MED12: variants seen among roughly 807,000 people sequenced by gnomAD.
MED12 encodes the protein mediator complex subunit 12, also known as mediator of RNA polymerase II transcription subunit 12.
A neutral mutation model predicts 177.7 loss-of-function variants in MED12; 10 were observed. The observed-to-expected ratio is 0.06, with a 90% confidence interval of 0.03 to 0.10. The LOEUF (loss-of-function observed/expected upper bound fraction) is 0.10, where lower values mean the gene tolerates loss of function less well. Ranked by LOEUF, MED12 falls within the 10% of genes least tolerant of loss-of-function variation. MED12 has a pLI of 1.00. For missense variants in MED12, 867 were observed against 1,780.8 expected, an observed-to-expected ratio of 0.49 and a Z score of 9.23; for synonymous variants, 641 against 678.4, an observed-to-expected ratio of 0.94 and a Z score of 0.86.
chrX:71,121,870 G>A (rs1446011008), intron 7 of MED12, 54 bp downstream of exon 7: 1 of 1,205,225 alleles, frequency 8.3e-7, no homozygotes, highest in Non-Finnish European at 1.1e-6. Flanking sequence ...AGAAGAATCA[G>A]GTGCCCATCC....
intron 11 of MED12, 150 bp from the exon 12 acceptor site, chrX:71,123,444 G>T: frequency 1.3e-6 from 1 of 771,765 alleles, no homozygotes; most frequent in Non-Finnish European, 1.9e-6. Context: ...GGCTTCAGTT[G>T]GGAGGTGGTA....
intron 3 of MED12, 33 bp downstream of exon 3, chrX:71,119,910 G>A (rs1433339830): frequency 8.3e-7 from 1 of 1,208,247 alleles, no homozygotes; most frequent in Non-Finnish European, 1.1e-6. Flanking sequence ...TCAGGCCAAG[G>A]AGGGAGCATG....
chrX:71,123,883 C>G (rs751694662), intron 12 of MED12, among the ~76,000 whole-genome samples, 163 bp downstream of exon 12: 1 of 112,431 alleles, frequency 8.9e-6, no homozygotes, highest in Non-Finnish European at 1.9e-5. Flanking sequence ...AACTGGTCAT[C>G]TTACAGTTAA....
intron 4 of MED12, 102 bp downstream of exon 4, chrX:71,120,272 C>G (rs749173585): frequency 1.1e-6 from 1 of 912,893 alleles, no homozygotes; most frequent in Non-Finnish European, 1.6e-6. Context: ...CTTGTTTCTG[C>G]TTGTTTCTTG....
At chrX:71,125,637 T>TC in intron 16 of MED12, 26 bp from the exon 17 acceptor site, 1 of 1,092,089 alleles carries the variant, frequency 9.2e-7, no homozygotes, top group Non-Finnish European at 1.3e-6. Flanking sequence ...TTTTGAAACT[T>TC]CCCCCCTCAT....
Position 71,126,964 on chromosome X carries a change from G to A in MED12, c.2686-5G>A, listed in dbSNP as rs1405147504. 8.3e-7 allele frequency: 1 copy of A among 1,210,093 alleles called. No individual in the cohort carries two copies. Among genetic ancestry groups the A allele is most frequent in the South Asian group, 1.8e-5 (1 of 56,965 alleles). On this transcript the variant is annotated splice_polypyrimidine_tract_variant and splice_region_variant and intron_variant, in intron 19 of 44. Coordinates refer to ENST00000374080, the MANE Select transcript of MED12 (RefSeq NM_005120.3). ...TGCATTTCTCACCCCCGTTTACTCT[G>A]CTAGCTGCTGAATGAACTGAGTGTA...
intron 42 of MED12, 77 bp downstream of exon 42, chrX:71,140,934 C>T (rs189213861): frequency 6.9e-5 from 82 of 1,188,686 alleles, no homozygotes; most frequent in Admixed American, 1.8e-4. Context: ...ACACAGTTAC[C>T]GAGACTAAAC....
Position 71,135,163 on chromosome X carries a change from C to T in MED12, c.4935C>T (p.Thr1645=), listed in dbSNP as rs2092328960. Residue 1645 remains threonine, a synonymous_variant, in exon 36 of 45, where the codon ACC becomes ACT. Transcript: ENST00000374080. The part of the protein sequence containing the change: ...VRQLLPLPKQ[T]RDVITCEPQG... The stretch of plus-strand genomic sequence containing the variant: ...AGCTGCTGCCACTGCCCAAGCAGAC[C>T]CGAGATGTCATCACGTGTGAGCCAC... 1 of 1,211,448 alleles carries T rather than the reference C, an allele frequency of 8.3e-7. No homozygotes were observed. The highest frequency in any genetic ancestry group is 1.1e-6 in the Non-Finnish European group (1 of 895,289).
In MED12 at chrX:71,121,943, T is replaced by G. The variant is rs764015217; in HGVS notation, c.1101+127T>G. On this transcript the variant is annotated intron_variant, in intron 7 of 44. Coordinates refer to ENST00000374080, the MANE Select transcript of MED12 (RefSeq NM_005120.3). ...AGGTGCTGAGTACTTGCTTGGAGGT[T>G]GTTGTTTCTTGGTAATGGGGTGTTA... 4.2e-5 allele frequency: 43 copies of G among 1,029,714 alleles called. 1 individual carries two copies. In the African/African-American group the frequency reaches 7.1e-4, roughly 17 times the overall value. 84.9% of individuals were successfully genotyped at this position (1,029,714 alleles called of 1,213,427 possible). A position where few individuals can be genotyped will look rare whatever the true frequency, so the allele number is the denominator to read the frequency against.
At chrX:71,130,300 C>A in intron 28 of MED12, 86 bp downstream of exon 28, 1 of 958,166 alleles carries the variant, frequency 1.0e-6, no homozygotes, top group Non-Finnish European at 1.4e-6. Flanking sequence ...AGGAGAGGGG[C>A]AGTTAAGTAG....
intron 13 of MED12, 33 bp from the exon 14 acceptor site, chrX:71,124,731 T>A: frequency 8.7e-7 from 1 of 1,153,448 alleles, no homozygotes; most frequent in Non-Finnish European, 1.2e-6. Context: ...TCCCTAGGGC[T>A]AAAGCAACTT....
At chrX:71,127,724 C>A in intron 21 of MED12, 169 bp from the exon 22 acceptor site, 1 of 503,074 alleles carries the variant, frequency 2.0e-6, no homozygotes, top group Admixed American at 2.9e-5. Context: ...TCCTTATTCC[C>A]ATGTGGTTCC....
chrX:71,133,091 T>C (rs1002958163), intron 32 of MED12, 32 bp from the exon 33 acceptor site: 13 of 1,091,021 alleles, frequency 1.2e-5, no homozygotes, highest in Non-Finnish European at 1.7e-5. Flanking sequence ...CGAAGATCCC[T>C]GAGCTGCATA....
Position 71,118,769 on chromosome X carries a change from G to C in MED12, c.15G>C (p.Gly5=). MAAF[G]ILSYEHRPLK... ...GGCTGGGCAAGATGGCGGCCTTCGG[G>C]ATCTTGAGCTACGAACACCGGCCCC... Residue 5 remains glycine, a synonymous_variant, in exon 1 of 45, where the codon GGG becomes GGC. Coordinates refer to ENST00000374080, the MANE Select transcript of MED12 (RefSeq NM_005120.3). 8.3e-7 allele frequency: 1 copy of C among 1,209,096 alleles called. No individual in the cohort carries two copies. Among genetic ancestry groups the C allele is most frequent in the Non-Finnish European group, 1.1e-6 (1 of 894,576 alleles).
chrX:71,127,881 C>T lies in MED12; in HGVS notation c.2982-12C>T. On this transcript the variant is annotated splice_polypyrimidine_tract_variant and intron_variant, in intron 21 of 44. Transcript: ENST00000374080. ...CTTCAACACTACTATCTCCTTTCCT[C>T]CATCCCTGCAGCGACTTTTGCTCAA... is the stretch of plus-strand genomic sequence containing the variant. The T allele has an allele frequency of 8.4e-7, 1 of 1,192,443 alleles. No homozygotes were observed. The highest frequency in any genetic ancestry group is 1.1e-6 in the Non-Finnish European group (1 of 878,448).
At chrX:71,127,698 C>G (rs969866882) in intron 21 of MED12, 195 bp from the exon 22 acceptor site, 2 of 482,392 alleles carry the variant, frequency 4.1e-6, no homozygotes, top group Non-Finnish European at 7.2e-6. Flanking sequence ...TCCTCACTGC[C>G]TTCAGAGGCC....
At chrX:71,121,184 G>A in intron 5 of MED12, 32 bp downstream of exon 5, 1 of 1,208,721 alleles carries the variant, frequency 8.3e-7, no homozygotes, top group Non-Finnish European at 1.1e-6. Flanking sequence ...GTGGGGCATT[G>A]GGTTGAGCTT....
intron 26 of MED12, 107 bp from the exon 27 acceptor site, chrX:71,129,573 C>CT: frequency 9.5e-7 from 1 of 1,047,907 alleles, no homozygotes; most frequent in Non-Finnish European, 1.3e-6. Context: ...TATTTCTGTC[C>CT]CATAGGGCAG....
At chrX:71,122,118 A>G (rs2147781518) in intron 7 of MED12, 82 bp from the exon 8 acceptor site, 1 of 1,143,351 alleles carries the variant, frequency 8.7e-7, no homozygotes, top group South Asian at 1.8e-5. Context: ...TGGATCTGGA[A>G]TCTACGGGTT....
Sources: allele counts gnomAD v4.1 joint callset (sites outside exome capture counted in the v4.1 genomes callset), GRCh38; gene constraint gnomAD v4.1.1; transcripts MANE v1.5; gene names NCBI Gene and HGNC (gene_info 2026-07-23, HGNC 2026-07-21).